CLASP1: variants seen among roughly 807,000 people sequenced by gnomAD.
CLASP1 encodes the protein cytoplasmic linker associated protein 1.
Under a neutral mutation model 192.3 loss-of-function variants are expected in CLASP1, and 38 were observed. That is an observed-to-expected ratio of 0.20 (90% CI 0.15 to 0.26). CLASP1 has a LOEUF of 0.26. CLASP1 is among the 10% of genes least tolerant of loss of function. The probability of loss-of-function intolerance (pLI) is 1.00; values close to 1 mark genes in which losing one functional copy is unlikely to be tolerated. For missense variants in CLASP1, 1,433 were observed against 1,932.5 expected (o/e 0.74, Z 4.85); for synonymous variants, 691 against 712.8 (o/e 0.97, Z 0.49).
chr2:121,485,905 T>G (rs1326107456), intron 8 of CLASP1, among the ~76,000 whole-genome samples: 5 of 152,140 alleles, frequency 3.3e-5, no homozygotes, highest in Admixed American at 6.5e-5. Flanking sequence ...CTCACAAAGC[T>G]GATCATAAGC....
chr2:121,455,015 G>C (rs919711716), intron 14 of CLASP1, among the ~76,000 whole-genome samples: 1 of 152,140 alleles, frequency 6.6e-6, no homozygotes, highest in African/African-American at 2.4e-5. Context: ...ATGCTGGTCA[G>C]GTTCTGAAGT....
At chr2:121,573,622 C>T (rs532628308) in intron 2 of CLASP1, among the ~76,000 whole-genome samples, 8 of 152,242 alleles carry the variant, frequency 5.3e-5, no homozygotes, top group African/African-American at 1.9e-4. Flanking sequence ...AGCCAATAGA[C>T]ACACAATTTA....
intron 22 of CLASP1, 38 bp from the exon 23 acceptor site, chr2:121,418,767 A>G (rs1437238743): frequency 7.4e-7 from 1 of 1,348,270 alleles, no homozygotes; most frequent in East Asian, 2.3e-5. Flanking sequence ...GAAGGTGAAC[A>G]AGTTTAATGA....
chr2:121,619,941 G>C (rs2067052256), intron 1 of CLASP1, among the ~76,000 whole-genome samples: 2 of 152,088 alleles, frequency 1.3e-5, no homozygotes, highest in African/African-American at 4.8e-5. Flanking sequence ...ATTATCCAGG[G>C]CTGGGCTTGG....
At chr2:121,498,580 A>G (rs2093625784) in intron 8 of CLASP1, among the ~76,000 whole-genome samples, 2 of 152,246 alleles carry the variant, frequency 1.3e-5, no homozygotes, top group African/African-American at 4.8e-5. Flanking sequence ...TCAAAATTTA[A>G]CAATTTATAT....
At chr2:121,569,839 A>C (rs1022304322) in intron 2 of CLASP1, among the ~76,000 whole-genome samples, 29 of 147,596 alleles carry the variant, frequency 2.0e-4, no homozygotes, top group Admixed American at 9.5e-4. Context: ...ACTCTGTCTC[A>C]AAAAAAAAAA....
intron 30 of CLASP1, 85 bp downstream of exon 31, chr2:121,397,055 G>T: frequency 1.5e-6 from 2 of 1,369,572 alleles, no homozygotes; most frequent in Non-Finnish European, 2.1e-6. Flanking sequence ...TGGGTGGGTG[G>T]CACGGTTTTC....
intron 2 of CLASP1, among the ~76,000 whole-genome samples, chr2:121,536,794 A>G (rs540648409): frequency 6.6e-6 from 1 of 152,326 alleles, no homozygotes; most frequent in African/African-American, 2.4e-5. Context: ...GAAGGGAGAA[A>G]TGAGAGTTAT....
rs574061605 is a variant in CLASP1, at chr2:121,490,041, AGCCTACTGT to A, written c.712+13117_712+13125del. 1.8e-3 allele frequency among the ~76,000 whole-genome samples: 273 copies of A among 152,362 alleles called. 1 individual carries two copies. Among genetic ancestry groups the A allele is most frequent in the African/African-American group, 6.3e-3 (260 of 41,586 alleles). On this transcript the variant is annotated intron_variant, in intron 8 of 39. Transcript: ENST00000263710. ...AGAAGATAAAAACACAGCTAGCCTC[AGCCTACTGT>A]GCCTACTTCCTCTCTCCTAGTCTTA... is the stretch of plus-strand genomic sequence containing the variant.
chr2:121,641,142 G>C (rs1193658703), intron 1 of CLASP1, among the ~76,000 whole-genome samples: 2 of 152,162 alleles, frequency 1.3e-5, no homozygotes, highest in Non-Finnish European at 2.9e-5. Context: ...TCTTCATTTA[G>C]GAAGGCACTG....
rs554113255 is a variant in CLASP1, at chr2:121,429,743, T to C, written c.2017+330A>G. Among the ~76,000 whole-genome samples, 113 of 152,146 alleles carry C rather than the reference T, an allele frequency of 7.4e-4. 1 individual carries two copies. Among genetic ancestry groups the C allele is most frequent in the South Asian group, 4.1e-3 (20 of 4,822 alleles). ...GCCCACGTACTGTTCTAAAATTACA[T>C]CAGAAGGATTCCTTATCAATGCAAA... On this transcript the variant is annotated intron_variant, in intron 20 of 39. Transcript: ENST00000263710.
At chr2:121,621,675 A>G (rs1190464477) in intron 1 of CLASP1, among the ~76,000 whole-genome samples, 6 of 152,212 alleles carry the variant, frequency 3.9e-5, no homozygotes, top group Non-Finnish European at 8.8e-5. Flanking sequence ...CTATATGTCT[A>G]TCTTTATGCC....
intron 26 of CLASP1, chr2:121,403,695 G>C (rs1211327907): frequency 4.4e-6 from 2 of 456,078 alleles, no homozygotes; most frequent in Non-Finnish European, 4.4e-6. Flanking sequence ...CTTCTGTAAA[G>C]ATACCCTGTC....
At chr2:121,565,239 G>T (rs530704778) in intron 2 of CLASP1, among the ~76,000 whole-genome samples, 4 of 152,300 alleles carry the variant, frequency 2.6e-5, no homozygotes, top group Admixed American at 2.6e-4. Context: ...GTCTCCCTAG[G>T]CATGAGTTCC....
At chr2:121,627,327 A>G (rs1325520122) in intron 1 of CLASP1, among the ~76,000 whole-genome samples, 1 of 152,250 alleles carries the variant, frequency 6.6e-6, no homozygotes, top group Non-Finnish European at 1.5e-5. Context: ...GGAAAGACAC[A>G]TGAAATGGAA....
At chr2:121,524,989 A>C (rs1198052826) in intron 6 of CLASP1, among the ~76,000 whole-genome samples, 1 of 152,048 alleles carries the variant, frequency 6.6e-6, no homozygotes, top group Admixed American at 6.6e-5. Context: ...AGGCCAGGGG[A>C]GGTCGGGTAG....
chr2:121,636,403 C>T (rs1576657196), intron 1 of CLASP1, among the ~76,000 whole-genome samples: 2 of 150,318 alleles, frequency 1.3e-5, no homozygotes, highest in Admixed American at 6.7e-5. Flanking sequence ...GTGGCTCATG[C>T]CTGTAATCCC....
chr2:121,530,369 G>T, intron 2 of CLASP1, 44 bp from the exon 3 acceptor site: 1 of 1,493,410 alleles, frequency 6.7e-7, no homozygotes, highest in Non-Finnish European at 9.1e-7. Flanking sequence ...CCGGCCTGCG[G>T]GGCAGCGCTC....
chr2:121,444,323 C>T (rs991974449), intron 19 of CLASP1, among the ~76,000 whole-genome samples: 4 of 152,082 alleles, frequency 2.6e-5, no homozygotes, highest in South Asian at 4.2e-4. Context: ...ATTTAATACA[C>T]GGTTGATGAG....
Sources: gnomAD v4.1 joint callset for allele counts (sites outside exome capture counted in the v4.1 genomes callset) on GRCh38, gnomAD v4.1.1 for gene constraint, MANE v1.5 for transcripts, NCBI Gene and HGNC (gene_info 2026-07-23, HGNC 2026-07-21) for gene names.